Variants in KIN observed in about 807,000 individuals in gnomAD.
KIN encodes the protein Kin17 DNA and RNA binding protein, also known as DNA/RNA-binding protein KIN17.
In KIN, 47 loss-of-function variants were observed where a neutral mutation model predicts 63.0. The ratio of observed to expected loss-of-function variants is 0.75; its 90% CI spans 0.59 to 0.95. The LOEUF (loss-of-function observed/expected upper bound fraction) is 0.95, where lower values mean the gene tolerates loss of function less well. KIN is among the 40% of genes least tolerant of loss of function. KIN has a pLI of 0.00. For synonymous variants in KIN, 160 were observed against 157.7 expected (o/e 1.01, Z -0.11); for missense variants, 408 against 460.9 (o/e 0.89, Z 1.05).
chr10:7,759,993 A>G lies in KIN; in HGVS notation c.1019-3T>C. 1.5e-6 allele frequency: 2 copies of G among 1,351,958 alleles called. No homozygotes were observed. The highest frequency in any genetic ancestry group is 2.4e-5 in the East Asian group (1 of 40,958). The allele number at this position is 1,351,958 out of a possible 1,614,324, so 83.7% of individuals were successfully genotyped here. A position where few individuals can be genotyped will look rare whatever the true frequency, so the allele number is the denominator to read the frequency against. ...ATTTAAAACTAGAATTCTTTTTCCT[A>G]TGATGGAAAAGAATATAAAAATTAA... On this transcript the variant is annotated splice_region_variant and splice_polypyrimidine_tract_variant and intron_variant, in intron 11 of 12. Coordinates refer to ENST00000379562, the MANE Select transcript of KIN (RefSeq NM_012311.4).
At chr10:7,782,054 C>T (rs892050993) in intron 2 of KIN, among the ~76,000 whole-genome samples, 14 of 151,956 alleles carry the variant, frequency 9.2e-5, no homozygotes, top group African/African-American at 1.7e-4. Flanking sequence ...GCGAAACTCC[C>T]GTCTCAATAA....
chr10:7,774,714 C>CA, intron 7 of KIN, 117 bp downstream of exon 7: 1 of 820,784 alleles, frequency 1.2e-6, no homozygotes, highest in South Asian at 1.8e-5. Context: ...CAATAAAAAC[C>CA]AAAAACAGGT....
intron 10 of KIN, 30 bp downstream of exon 10, chr10:7,763,693 C>G (rs1206877101): frequency 7.7e-7 from 1 of 1,294,574 alleles, no homozygotes; most frequent in Admixed American, 2.0e-5. Context: ...GCTTTTTTCA[C>G]AAATTCCATT....
At chr10:7,773,883 T>C (rs915695181) in intron 7 of KIN, among the ~76,000 whole-genome samples, 5 of 152,148 alleles carry the variant, frequency 3.3e-5, no homozygotes, top group East Asian at 1.9e-4. Context: ...ATGTCAGAAA[T>C]AGTGAATAAA....
rs372614497 is a variant in KIN, at chr10:7,769,367, C to A, written c.669-22G>T. The A allele has an allele frequency of 1.9e-6, 3 of 1,604,024 alleles. No homozygotes were observed. In the African/African-American group the frequency reaches 4.0e-5, roughly 22 times the overall value. The stretch of plus-strand genomic sequence containing the variant: ...AGTACTGATGAACAGGAGAACCATG[C>A]TTGTTACCAAGAACCATACACAGAC... On this transcript the variant is annotated intron_variant, in intron 7 of 12. Transcript: ENST00000379562.
intron 12 of KIN, among the ~76,000 whole-genome samples, chr10:7,756,400 T>C (rs1414702773): frequency 1.3e-5 from 2 of 152,204 alleles, no homozygotes; most frequent in Admixed American, 6.5e-5. Context: ...CTGTTCAGTA[T>C]CTCCTCTGCT....
At chr10:7,761,189 G>A (rs543215393) in intron 11 of KIN, 9 of 152,166 alleles carry the variant, frequency 5.9e-5, no homozygotes, top group African/African-American at 2.2e-4. Context: ...TTACCAAATT[G>A]TATACTTTAC....
intron 2 of KIN, among the ~76,000 whole-genome samples, chr10:7,782,878 A>G (rs1245295990): frequency 6.6e-6 from 1 of 152,244 alleles, no homozygotes; most frequent in Non-Finnish European, 1.5e-5. Context: ...AAGTGGAAGA[A>G]AGGAAAAACT....
At chr10:7,768,320 G>A (rs539502274) in intron 8 of KIN, among the ~76,000 whole-genome samples, 4 of 152,302 alleles carry the variant, frequency 2.6e-5, no homozygotes, top group African/African-American at 9.6e-5. Context: ...AGGAGTTTGA[G>A]ACCAGCCTAG....
chr10:7,785,699 A>G (rs1283290777), intron 1 of KIN, among the ~76,000 whole-genome samples: 1 of 152,070 alleles, frequency 6.6e-6, no homozygotes, highest in African/African-American at 2.4e-5. Flanking sequence ...TAGCTGGGAC[A>G]GCTACTTGGG....
At chr10:7,764,491 G>A (rs1208052696) in intron 9 of KIN, among the ~76,000 whole-genome samples, 1 of 152,184 alleles carries the variant, frequency 6.6e-6, no homozygotes, top group Non-Finnish European at 1.5e-5. Flanking sequence ...TATTACTGCA[G>A]TGATTCTATA....
At chr10:7,763,679 C>A in intron 10 of KIN, 44 bp downstream of exon 10, 1 of 1,086,202 alleles carries the variant, frequency 9.2e-7, no homozygotes, top group South Asian at 1.4e-5. Context: ...ACTCAGTGAC[C>A]CAAGCTTTTT....
chr10:7,776,579 A>C (rs1297381484), intron 5 of KIN, among the ~76,000 whole-genome samples: 1 of 151,076 alleles, frequency 6.6e-6, no homozygotes, highest in Admixed American at 6.6e-5. Flanking sequence ...AAAAATACAA[A>C]AATTAGCCCG....
At chr10:7,782,528 C>A (rs1312850926) in intron 2 of KIN, among the ~76,000 whole-genome samples, 9 of 151,532 alleles carry the variant, frequency 5.9e-5, no homozygotes, top group Non-Finnish European at 1.2e-4. Context: ...CCTCCTGAGT[C>A]GCTGGGATTA....
At position 7,753,405 on chromosome 10, in the gene KIN, C is replaced by T. The variant is rs1312209275; in HGVS notation, c.*2675G>A. 6 of 152,186 alleles carry T rather than the reference C, an allele frequency of 3.9e-5. No individual in the cohort carries two copies. The highest frequency in any genetic ancestry group is 8.8e-5 in the Non-Finnish European group (6 of 68,032). The allele number at this position is 152,186 out of a possible 1,614,324, so 9.4% of individuals were successfully genotyped here. ...GGCATATGTAATTTGTCTGGTTTTA[C>T]TCATCACTATTTGTTATCAGGGAGA... is the stretch of plus-strand genomic sequence containing the variant. On this transcript the variant is annotated 3_prime_UTR_variant, in exon 13 of 13. Transcript: ENST00000379562.
At chr10:7,779,573 G>C (rs923057034) in intron 4 of KIN, among the ~76,000 whole-genome samples, 8 of 152,162 alleles carry the variant, frequency 5.3e-5, no homozygotes, top group African/African-American at 1.7e-4. Flanking sequence ...ACGGATGGTT[G>C]CATCTGTACT....
At position 7,769,264 on chromosome 10, in the gene KIN, C is replaced by T; in HGVS notation, c.750G>A (p.Gln250=). ...KRKESSQSST[Q]SKEKKKKKSA... Reference sequence around the variant, plus strand: ...ATTTCTTTTTCTTCTTTTCTTTAGACTGAGTTGAGCTCTGGGAAGATTCTT... The same window carrying T: ...ATTTCTTTTTCTTCTTTTCTTTAGATTGAGTTGAGCTCTGGGAAGATTCTT... The change falls in exon 8 of 13, where the codon CAG becomes CAA. Residue 250 remains glutamine (Q), a synonymous_variant. Coordinates refer to ENST00000379562, the MANE Select transcript of KIN (RefSeq NM_012311.4). 6.2e-7 allele frequency: 1 copy of T among 1,613,540 alleles called. No homozygotes were observed. The highest frequency in any genetic ancestry group is 2.2e-5 in the East Asian group (1 of 44,868).
At chr10:7,757,789 T>C (rs1564313265) in intron 12 of KIN, among the ~76,000 whole-genome samples, 1 of 152,120 alleles carries the variant, frequency 6.6e-6, no homozygotes, top group Non-Finnish European at 1.5e-5. Flanking sequence ...TTCTGATAAG[T>C]ACCATAAATC....
intron 5 of KIN, 82 bp from the exon 6 acceptor site, chr10:7,775,881 C>T (rs918601365): frequency 3.9e-6 from 3 of 770,636 alleles, no homozygotes; most frequent in African/African-American, 1.8e-5. Context: ...TGACTTGCTA[C>T]CTGTGTTCCC....
Sources: allele counts gnomAD v4.1 joint callset (sites outside exome capture counted in the v4.1 genomes callset), GRCh38; gene constraint gnomAD v4.1.1; transcripts MANE v1.5; gene names NCBI Gene and HGNC (gene_info 2026-07-23, HGNC 2026-07-21).